UTP14C: variants seen among roughly 807,000 people sequenced by gnomAD.
UTP14C encodes the protein U3 small nucleolar RNA-associated protein 14 homolog C.
In UTP14C, 10 loss-of-function variants were observed where a neutral mutation model predicts 14.6. The ratio of observed to expected loss-of-function variants is 0.68; its 90% CI spans 0.42 to 1.16. UTP14C has a LOEUF of 1.16. Among genes scored for constraint, UTP14C ranks in the 50% most tolerant of loss-of-function variants. The pLI, the probability that UTP14C is intolerant of heterozygous loss-of-function variation, is 0.00. For missense variants in UTP14C, 818 were observed against 890.8 expected (o/e 0.92, Z 1.04); for synonymous variants, 315 against 331.6 (o/e 0.95, Z 0.54).
chr13:52,028,668 A>G lies in UTP14C; in HGVS notation c.-137A>G, dbSNP rs780005032. 41 of 1,558,884 alleles carry G rather than the reference A, an allele frequency of 2.6e-5. No homozygotes were observed. The highest frequency in any genetic ancestry group is 3.4e-5 in the South Asian group (3 of 87,804). ...ATATGTAAATATTTTTCTAAATTCA[A>G]TCTCATTTGTCAAATCATTTTACTT... On this transcript the variant is annotated 5_prime_UTR_variant, in exon 2 of 2. Transcript: ENST00000521776.
At position 52,027,995 on chromosome 13, in the gene UTP14C, C is replaced by T. The variant is rs532343420; in HGVS notation, c.-486-324C>T. 3.2e-4 allele frequency among the ~76,000 whole-genome samples: 48 copies of T among 151,916 alleles called. No individual in the cohort carries two copies. In the South Asian group the frequency reaches 8.7e-3, roughly 28 times the overall value. On this transcript the variant is annotated intron_variant, in intron 1 of 1. Coordinates refer to ENST00000521776, the MANE Select transcript of UTP14C (RefSeq NM_021645.6). ...GCAGCAGGCTGGGTGTGGTAGCTCA[C>T]GCTGGTAAATCCCAGCACTTTGGGA...
At position 52,030,761 on chromosome 13, in the gene UTP14C, C is replaced by T; in HGVS notation, c.1957C>T (p.Pro653Ser). ...KKRRQFLIKA[P>S]EGPPRKDKNL... The stretch of plus-strand genomic sequence containing the variant: ...AAGACGCCAGTTTCTCATTAAAGCC[C>T]CTGAGGGTCCTCCAAGAAAAGATAA... The change falls in exon 2 of 2, where the codon CCT becomes TCT. Residue 653 changes from proline to serine, a missense_variant. Transcript: ENST00000521776. 1 of 1,614,214 alleles carries T rather than the reference C, an allele frequency of 6.2e-7. No homozygotes were observed. Among genetic ancestry groups the T allele is most frequent in the Middle Eastern group, 1.6e-4 (1 of 6,062 alleles).
chr13:52,031,618 G>A lies in UTP14C; in HGVS notation c.*513G>A, dbSNP rs1954306487. 1 of 171,906 alleles carries A rather than the reference G, an allele frequency of 5.8e-6. No individual in the cohort carries two copies. The highest frequency in any genetic ancestry group is 1.4e-5 in the Non-Finnish European group (1 of 70,938). 10.6% of individuals were successfully genotyped at this position (171,906 alleles called of 1,614,324 possible). A position where few individuals can be genotyped will look rare whatever the true frequency, so the allele number is the denominator to read the frequency against. ...GAAGTCAGCTTTAAGTCATTCAAGA[G>A]AACCTCAGGCTGTTTTTCTGACAGT... On this transcript the variant is annotated 3_prime_UTR_variant, in exon 2 of 2. Transcript: ENST00000521776.
chr13:52,030,619 A>C lies in UTP14C; in HGVS notation c.1815A>C (p.Arg605Ser). 6.2e-7 allele frequency: 1 copy of C among 1,614,214 alleles called. No homozygotes were observed. Among genetic ancestry groups the C allele is most frequent in the South Asian group, 1.1e-5 (1 of 91,082 alleles). ...CTTTTGCTGGGGATGATGTCATCAG[A>C]GATTTCTTGAAAGAGAAGAGGGAAG... ...KEAFAGDDVI[R>S]DFLKEKREAV... Residue 605 changes from arginine (R) to serine (S), a missense_variant, in exon 2 of 2, where the codon AGA becomes AGC. By Grantham distance (110) the Arg-to-Ser change is moderately radical (BLOSUM62 -1). Coordinates refer to ENST00000521776, the MANE Select transcript of UTP14C (RefSeq NM_021645.6).
At chr13:52,027,484 T>A (rs1954252581) in intron 1 of UTP14C, among the ~76,000 whole-genome samples, 1 of 152,228 alleles carries the variant, frequency 6.6e-6, no homozygotes, top group South Asian at 2.1e-4. Flanking sequence ...TTGGAATGAT[T>A]TAATTTCTCT....
chr13:52,024,747 T>C lies in UTP14C; in HGVS notation c.-677T>C. The C allele has an allele frequency of 1.2e-6, 2 of 1,614,242 alleles. No individual in the cohort carries two copies. Among genetic ancestry groups the C allele is most frequent in the Non-Finnish European group, 1.7e-6 (2 of 1,180,046 alleles). On this transcript the variant is annotated 5_prime_UTR_variant, in exon 1 of 2. Transcript: ENST00000521776. The stretch of plus-strand genomic sequence containing the variant: ...TTGAGTCACCTCCTTCGCTTAAACT[T>C]GTCCTCATTGGAGGTTGTCGTAACA...
chr13:52,025,172 T>C (rs1311767659), intron 1 of UTP14C, among the ~76,000 whole-genome samples: 2 of 152,234 alleles, frequency 1.3e-5, no homozygotes, highest in Non-Finnish European at 2.9e-5. Flanking sequence ...ACATGTATTA[T>C]CTAATTTAAG....
rs1362108159 is a variant in UTP14C at position 52,029,768 on chromosome 13, A to G, written c.964A>G (p.Met322Val). Residue 322 changes from methionine to valine, a missense_variant, in exon 2 of 2, where the codon ATG becomes GTG. Met to Val is a conservative substitution (Grantham distance 21). Transcript: ENST00000521776. ...ATATGACCTGGAGGCTCGCCAAGCT[A>G]TGCAGGAACAGTTGGCCAAGAACAA... ...AKYDLEARQA[M>V]QEQLAKNKEL... 1.2e-6 allele frequency: 2 copies of G among 1,614,242 alleles called. No individual in the cohort carries two copies. The highest frequency in any genetic ancestry group is 8.5e-7 in the Non-Finnish European group (1 of 1,180,036).
chr13:52,028,797 C>G lies in UTP14C; in HGVS notation c.-8C>G, dbSNP rs1172919363. 1 of 1,614,134 alleles carries G rather than the reference C, an allele frequency of 6.2e-7. No homozygotes were observed. Among genetic ancestry groups the G allele is most frequent in the East Asian group, 2.2e-5 (1 of 44,874 alleles). On this transcript the variant is annotated 5_prime_UTR_variant, in exon 2 of 2. Coordinates refer to ENST00000521776, the MANE Select transcript of UTP14C (RefSeq NM_021645.6). ...TCTTGGTATACATGAGAGAGGCTGG[C>G]TGCTGAGATGAATGTGAACCAGGTT...
At position 52,030,775 on chromosome 13, in the gene UTP14C, A is replaced by G. The variant is rs1954295240; in HGVS notation, c.1971A>G (p.Pro657=). The G allele has an allele frequency of 6.2e-7, 1 of 1,614,238 alleles. No individual in the cohort carries two copies. The highest frequency in any genetic ancestry group is 8.5e-7 in the Non-Finnish European group (1 of 1,180,038). ...QFLIKAPEGP[P]RKDKNLPNVI... Reference sequence around the variant, plus strand: ...TCATTAAAGCCCCTGAGGGTCCTCCAAGAAAAGATAAGAATTTGCCAAATG... The same window carrying G: ...TCATTAAAGCCCCTGAGGGTCCTCCGAGAAAAGATAAGAATTTGCCAAATG... Residue 657 remains proline, a synonymous_variant, in exon 2 of 2, where the codon CCA becomes CCG. Transcript: ENST00000521776.
At position 52,028,905 on chromosome 13, in the gene UTP14C, G is replaced by A; in HGVS notation, c.101G>A (p.Gly34Glu). ...CCCTTGAGTGAAAATGAAGATGAGG[G>A]GGACAGTGATGGAGAGAGAAAGCAT... ...NYPLSENEDE[G>E]DSDGERKHQK... Residue 34 changes from glycine (G) to glutamate (E), a missense_variant, in exon 2 of 2, where the codon GGG becomes GAG. Gly to Glu is a moderately conservative substitution (Grantham distance 98). Coordinates refer to ENST00000521776, the MANE Select transcript of UTP14C (RefSeq NM_021645.6). 6.2e-7 allele frequency: 1 copy of A among 1,614,170 alleles called. No individual in the cohort carries two copies. The highest frequency in any genetic ancestry group is 8.5e-7 in the Non-Finnish European group (1 of 1,180,034).
chr13:52,032,551 A>G lies in UTP14C; in HGVS notation c.*1446A>G, dbSNP rs1954316157. 1 of 167,068 alleles carries G rather than the reference A, an allele frequency of 6.0e-6. No individual in the cohort carries two copies. The highest frequency in any genetic ancestry group is 6.5e-5 in the Admixed American group (1 of 15,282). The allele number at this position is 167,068 out of a possible 1,614,324, so 10.3% of individuals were successfully genotyped here. ...TGTGTTAAGGGGCAAATGAAACGGT[A>G]TATTATTTCTTTGCAGTCTCCTCTC... On this transcript the variant is annotated 3_prime_UTR_variant, in exon 2 of 2. Coordinates refer to ENST00000521776, the MANE Select transcript of UTP14C (RefSeq NM_021645.6).
intron 1 of UTP14C, among the ~76,000 whole-genome samples, chr13:52,025,151 T>C (rs1954228659): frequency 6.6e-6 from 1 of 152,230 alleles, no homozygotes; most frequent in South Asian, 2.1e-4. Flanking sequence ...GGCCACTGTG[T>C]TGAGATTTTT....
rs1346767363 is a variant in UTP14C at position 52,030,767 on chromosome 13, G to T, written c.1963G>T (p.Gly655Cys). 6.2e-7 allele frequency: 1 copy of T among 1,614,008 alleles called. No homozygotes were observed. The highest frequency in any genetic ancestry group is 8.5e-7 in the Non-Finnish European group (1 of 1,180,034). ...RRQFLIKAPE[G>C]PPRKDKNLPN... is the part of the protein sequence containing the mutation. ...CCAGTTTCTCATTAAAGCCCCTGAG[G>T]GTCCTCCAAGAAAAGATAAGAATTT... The change falls in exon 2 of 2, where the codon GGT (glycine) becomes TGT (cysteine). Residue 655 changes from glycine to cysteine, a missense_variant. Gly to Cys is a radical substitution (Grantham distance 159, BLOSUM62 -3). Coordinates refer to ENST00000521776, the MANE Select transcript of UTP14C (RefSeq NM_021645.6).
rs1954282418 is a variant in UTP14C at position 52,029,968 on chromosome 13, G to T, written c.1164G>T (p.Gln388His). ...GTGACACCAAAGAGGCTGCAACACA[G>T]GAGGACCCTGAGCAAGTGCCAGAGC... Reference protein sequence around the residue: ...CTSDTKEAATQEDPEQVPELA... With the variant: ...CTSDTKEAATHEDPEQVPELA... The change falls in exon 2 of 2, where the codon CAG becomes CAT. Residue 388 changes from glutamine to histidine, a missense_variant. By Grantham distance (24) the Gln-to-His change is conservative (BLOSUM62 0). Coordinates refer to ENST00000521776, the MANE Select transcript of UTP14C (RefSeq NM_021645.6). The T allele has an allele frequency of 6.2e-7, 1 of 1,614,128 alleles. No individual in the cohort carries two copies. The highest frequency in any genetic ancestry group is 1.7e-5 in the Admixed American group (1 of 60,012).
Position 52,030,979 on chromosome 13 carries a change from C to G in UTP14C, c.2175C>G (p.Gly725=). The G allele has an allele frequency of 6.2e-7, 1 of 1,614,126 alleles. No individual in the cohort carries two copies. The highest frequency in any genetic ancestry group is 2.2e-5 in the East Asian group (1 of 44,884). ...CTCCCAAGGTCGTCACCAAGCCAGGCCATATCATTAAGCCCATAAAAGCAG... is the reference window on the plus strand; with the variant it reads ...CTCCCAAGGTCGTCACCAAGCCAGGGCATATCATTAAGCCCATAAAAGCAG... ...LTTPKVVTKP[G]HIIKPIKAED... The change falls in exon 2 of 2, where the codon GGC becomes GGG. Residue 725 remains glycine, a synonymous_variant. Coordinates refer to ENST00000521776, the MANE Select transcript of UTP14C (RefSeq NM_021645.6).
chr13:52,028,577 A>C lies in UTP14C; in HGVS notation c.-228A>C. On this transcript the variant is annotated 5_prime_UTR_variant, in exon 2 of 2. Transcript: ENST00000521776. Reference sequence around the variant, plus strand: ...GTGACATTCCTATCATCTGTGGAAAAGTTATTTAAGTAATGCCATATCTGT... The same window carrying C: ...GTGACATTCCTATCATCTGTGGAAACGTTATTTAAGTAATGCCATATCTGT... The C allele has an allele frequency of 1.2e-6, 2 of 1,614,018 alleles. No homozygotes were observed. The highest frequency in any genetic ancestry group is 8.5e-7 in the Non-Finnish European group (1 of 1,179,884).
chr13:52,028,700 A>G lies in UTP14C; in HGVS notation c.-105A>G. On this transcript the variant is annotated 5_prime_UTR_variant, in exon 2 of 2. Transcript: ENST00000521776. ...TTGTCAAATCATTTTACTTTAGAAA[A>G]CAGACAAAATTTCCTTTTAGAATAA... 1 of 1,574,226 alleles carries G rather than the reference A, an allele frequency of 6.4e-7. No homozygotes were observed. Among genetic ancestry groups the G allele is most frequent in the East Asian group, 2.3e-5 (1 of 43,388 alleles).
rs917006747 is a variant in UTP14C, at chr13:52,033,296, G to A, written c.*2191G>A. 1.2e-5 allele frequency: 2 copies of A among 167,132 alleles called. No homozygotes were observed. The highest frequency in any genetic ancestry group is 2.9e-5 in the Non-Finnish European group (2 of 68,100). The allele number at this position is 167,132 out of a possible 1,614,324, so 10.4% of individuals were successfully genotyped here. On this transcript the variant is annotated 3_prime_UTR_variant, in exon 2 of 2. Transcript: ENST00000521776. Reference sequence around the variant, plus strand: ...CTGCTGTTTTGAACCCACAGCAGTGGAGATTTGTATTCTTATTTACAGTTG... The same window carrying A: ...CTGCTGTTTTGAACCCACAGCAGTGAAGATTTGTATTCTTATTTACAGTTG...
Sources: allele counts gnomAD v4.1 joint callset (sites outside exome capture counted in the v4.1 genomes callset), GRCh38; gene constraint gnomAD v4.1.1; transcripts MANE v1.5; gene names NCBI Gene and HGNC (gene_info 2026-07-23, HGNC 2026-07-21).